Variants in ENO4 observed in about 807,000 individuals in gnomAD.
ENO4 encodes the protein enolase 4.
Under a neutral mutation model 63.2 loss-of-function variants are expected in ENO4, and 53 were observed. That is an observed-to-expected ratio of 0.84 (90% confidence interval 0.67 to 1.05). The LOEUF (loss-of-function observed/expected upper bound fraction) is 1.05, where lower values mean the gene tolerates loss of function less well. ENO4 is among the 50% of genes least tolerant of loss of function. The pLI, the probability that ENO4 is intolerant of heterozygous loss-of-function variation, is 0.00. For missense variants in ENO4, 719 were observed against 772.0 expected (o/e 0.93, Z 0.81); for synonymous variants, 266 against 283.8 (o/e 0.94, Z 0.63).
chr10:116,872,959 G>C (rs1846737102), intron 9 of ENO4, among the ~76,000 whole-genome samples: 1 of 151,652 alleles, frequency 6.6e-6, no homozygotes, highest in South Asian at 2.1e-4. Flanking sequence ...ATAATGATTG[G>C]TTCCTAGGCA....
chr10:116,893,859 A>G (rs529124893), intron 10 of ENO4, among the ~76,000 whole-genome samples: 16 of 152,210 alleles, frequency 1.1e-4, no homozygotes, highest in Non-Finnish European at 1.6e-4. Context: ...TTTATTTGCT[A>G]ATGTATTTCA....
rs1267996169 is a variant in ENO4 at position 116,881,887 on chromosome 10, TTTTG to T, written c.*224_*227del. The T allele has an allele frequency of 8.8e-5, 35 of 397,254 alleles. No homozygotes were observed. Among genetic ancestry groups the T allele is most frequent in the Middle Eastern group, 6.4e-4 (1 of 1,558 alleles). The allele number at this position is 397,254 out of a possible 1,614,324, so 24.6% of individuals were successfully genotyped here. ...TGCAGCCACCACACTTCCATGTGGA[TTTTG>T]TTTGTCTATTAGCTCTCCTGTCCAT... On this transcript the variant is annotated 3_prime_UTR_variant, in exon 14 of 14. Transcript: ENST00000341276.
At chr10:116,870,293 T>C (rs1173582104) in intron 8 of ENO4, among the ~76,000 whole-genome samples, 1 of 152,190 alleles carries the variant, frequency 6.6e-6, no homozygotes, top group East Asian at 1.9e-4. Context: ...AGTAGCTGTC[T>C]TTCCTTGGGG....
chr10:116,883,252 A>T (rs1847073734), downstream of ENO4: 1 of 152,092 alleles, frequency 6.6e-6, no homozygotes, highest in Non-Finnish European at 1.5e-5. Context: ...TTCTACTTAT[A>T]CTTTCTCTCT....
chr10:116,863,469 C>T (rs963784985), intron 7 of ENO4, among the ~76,000 whole-genome samples: 1 of 152,044 alleles, frequency 6.6e-6, no homozygotes, highest in Non-Finnish European at 1.5e-5. Flanking sequence ...TTTGTCAAAA[C>T]TAAGAAACCA....
intron 3 of ENO4, among the ~76,000 whole-genome samples, chr10:116,857,446 G>A (rs1285438910): frequency 6.6e-6 from 1 of 152,074 alleles, no homozygotes; most frequent in Non-Finnish European, 1.5e-5. Context: ...CATTTACTAG[G>A]GCTATGGAAA....
downstream of ENO4, chr10:116,886,345 C>T: frequency 1.9e-6 from 3 of 1,552,818 alleles, no homozygotes; most frequent in Non-Finnish European, 2.6e-6. Context: ...GTTTATGGAT[C>T]AGCAGTTGGA....
intron 10 of ENO4, among the ~76,000 whole-genome samples, chr10:116,902,191 C>T (rs374535859): frequency 1.0e-3 from 153 of 152,322 alleles, no homozygotes; most frequent in Middle Eastern, 3.4e-3. Flanking sequence ...TAAGAAACCA[C>T]AAAATCCCAG....
At chr10:116,858,556 T>A (rs958933558) in intron 3 of ENO4, among the ~76,000 whole-genome samples, 5 of 152,220 alleles carry the variant, frequency 3.3e-5, no homozygotes, top group Admixed American at 6.5e-5. Context: ...AAGTTTTTTT[T>A]AAATATTAAC....
At chr10:116,907,882 C>G (rs1208382237) in intron 10 of ENO4, 6 of 518,186 alleles carry the variant, frequency 1.2e-5, no homozygotes, top group Admixed American at 1.9e-5. Flanking sequence ...TCACTAAGGA[C>G]TTGCCTTAAT....
At chr10:116,881,343 A>G (rs1847001938) in intron 13 of ENO4, 172 bp from the exon 14 acceptor site, 3 of 557,160 alleles carry the variant, frequency 5.4e-6, no homozygotes, top group Non-Finnish European at 9.6e-6. Flanking sequence ...TCTGTATGGC[A>G]CAATTAACAT....
At chr10:116,868,533 G>T (rs1419494510) in intron 7 of ENO4, 117 bp from the exon 8 acceptor site, 4 of 814,800 alleles carry the variant, frequency 4.9e-6, no homozygotes, top group Non-Finnish European at 8.4e-6. Context: ...GCGTGTATGT[G>T]TGCACACGTG....
intron 10 of ENO4, among the ~76,000 whole-genome samples, chr10:116,875,358 CT>C (rs1306163989): frequency 6.6e-6 from 1 of 151,600 alleles, no homozygotes; most frequent in African/African-American, 2.4e-5. Context: ...TCTGGTCATA[CT>C]TTTTAAGACA....
chr10:116,909,310 G>A (rs1033130747), intron 10 of ENO4, among the ~76,000 whole-genome samples: 6 of 152,118 alleles, frequency 3.9e-5, no homozygotes, highest in Non-Finnish European at 8.8e-5. Context: ...TAATCTAATT[G>A]TCAGGCAAAA....
chr10:116,866,807 TA>T (rs778370507), intron 7 of ENO4, among the ~76,000 whole-genome samples: 1,507 of 138,552 alleles, frequency 0.011, no homozygotes, highest in Non-Finnish European at 0.011. Flanking sequence ...CCTGTCCCAT[TA>T]AAAAAAAAAA....
downstream of ENO4, chr10:116,911,924 TTAG>T: frequency 1.0e-6 from 1 of 970,218 alleles, no homozygotes; most frequent in Non-Finnish European, 1.7e-6. Flanking sequence ...TGGCAAACTA[TTAG>T]TAGCCTTATA....
rs1007453080 is a variant in ENO4 at position 116,868,490 on chromosome 10, G to A, written c.991-160G>A. 12 of 719,204 alleles carry A rather than the reference G, an allele frequency of 1.7e-5. No individual in the cohort carries two copies. In the African/African-American group the frequency reaches 1.9e-4, roughly 12 times the overall value. The allele number at this position is 719,204 out of a possible 1,614,324, so 44.6% of individuals were successfully genotyped here. On this transcript the variant is annotated intron_variant, in intron 7 of 13. Transcript: ENST00000341276. Reference sequence around the variant, plus strand: ...TGGCATATAAAGTAGGGAGTGGCTGGAATCATCCCTATGTGCATGAGTGCG... The same window carrying A: ...TGGCATATAAAGTAGGGAGTGGCTGAAATCATCCCTATGTGCATGAGTGCG...
intron 1 of ENO4, among the ~76,000 whole-genome samples, chr10:116,850,846 G>T (rs866316910): frequency 1.3e-5 from 2 of 152,196 alleles, no homozygotes; most frequent in South Asian, 2.1e-4. Context: ...CAATTTAAAT[G>T]ATTTTCCCAA....
At chr10:116,902,972 T>C (rs1488023726) in intron 10 of ENO4, among the ~76,000 whole-genome samples, 1 of 152,222 alleles carries the variant, frequency 6.6e-6, no homozygotes, top group African/African-American at 2.4e-5. Flanking sequence ...TTGGATTTAA[T>C]GTGCCTGATA....
Sources: allele counts gnomAD v4.1 joint callset (sites outside exome capture counted in the v4.1 genomes callset), GRCh38; gene constraint gnomAD v4.1.1; transcripts MANE v1.5; gene names NCBI Gene and HGNC (gene_info 2026-07-23, HGNC 2026-07-21).